The following LRBA variants were observed in gnomAD, a reference collection of about 807,000 sequenced individuals.
LRBA encodes lipopolysaccharide-responsive and beige-like anchor protein.
A neutral mutation model predicts 330.0 loss-of-function variants in LRBA; 176 were observed. The ratio of observed to expected loss-of-function variants is 0.53; its 90% CI spans 0.47 to 0.60. The LOEUF (loss-of-function observed/expected upper bound fraction) is 0.60, where lower values mean the gene tolerates loss of function less well. LRBA is among the 20% of genes least tolerant of loss of function. LRBA has a pLI of 0.00. For missense variants in LRBA, 3,259 were observed against 3,444.8 expected, an observed-to-expected ratio of 0.95 and a Z score of 1.35; for synonymous variants, 1,230 against 1,193.0, an observed-to-expected ratio of 1.03 and a Z score of -0.64.
intron 32 of LRBA, among the ~76,000 whole-genome samples, chr4:150,807,342 C>T (rs1054363216): frequency 6.6e-6 from 1 of 152,104 alleles, no homozygotes; most frequent in Non-Finnish European, 1.5e-5. Context: ...ATACTATTTT[C>T]TTCCACACAA....
intron 2 of LRBA, 116 bp from the exon 3 acceptor site, chr4:150,929,181 G>A (rs896939761): frequency 6.4e-6 from 4 of 621,446 alleles, no homozygotes; most frequent in African/African-American, 1.8e-5. Flanking sequence ...CACATCAAAA[G>A]GTTCATTAAA....
intron 43 of LRBA, among the ~76,000 whole-genome samples, chr4:150,470,838 A>G (rs1209303405): frequency 8.1e-6 from 1 of 123,850 alleles, no homozygotes; most frequent in African/African-American, 3.4e-5. Context: ...AGCCCTCATT[A>G]CTACACACAC....
chr4:150,274,660 T>C (rs186977232), intron 56 of LRBA, among the ~76,000 whole-genome samples: 533 of 152,252 alleles, frequency 3.5e-3, no homozygotes, highest in African/African-American at 0.012. Context: ...GAGAATACTA[T>C]AAACACCTCT....
At chr4:150,446,803 C>A (rs151182959) in intron 44 of LRBA, among the ~76,000 whole-genome samples, 1 of 152,178 alleles carries the variant, frequency 6.6e-6, no homozygotes, top group Non-Finnish European at 1.5e-5. Flanking sequence ...CAACTGCTAT[C>A]TAAAATTTAC....
At chr4:150,820,050 C>T (rs573988174) in intron 30 of LRBA, among the ~76,000 whole-genome samples, 1 of 152,104 alleles carries the variant, frequency 6.6e-6, no homozygotes, top group East Asian at 1.9e-4. Context: ...CTTAATCCTG[C>T]TTGCTTGTTA....
At chr4:150,968,698 C>T (rs1452650162) in intron 2 of LRBA, among the ~76,000 whole-genome samples, 1 of 152,148 alleles carries the variant, frequency 6.6e-6, no homozygotes, top group African/African-American at 2.4e-5. Context: ...GGAGAAGGTA[C>T]AGCAAATTAT....
At chr4:150,596,044 A>T (rs1773450966) in intron 38 of LRBA, among the ~76,000 whole-genome samples, 1 of 151,998 alleles carries the variant, frequency 6.6e-6, no homozygotes, top group Non-Finnish European at 1.5e-5. Context: ...TTTAATTTTA[A>T]AATATGACTC....
intron 35 of LRBA, among the ~76,000 whole-genome samples, chr4:150,738,093 C>T (rs778399907): frequency 2.0e-5 from 3 of 150,012 alleles, no homozygotes; most frequent in East Asian, 3.9e-4. Context: ...TGGGTTCAAG[C>T]GATTCTCCTG....
chr4:150,889,526 C>G (rs533073090), intron 17 of LRBA, among the ~76,000 whole-genome samples: 6 of 152,314 alleles, frequency 3.9e-5, no homozygotes, highest in African/African-American at 1.4e-4. Flanking sequence ...ACTGCCTGAG[C>G]TCTGCCTCCT....
In LRBA at chr4:151,014,621, C is replaced by A; in HGVS notation, c.22G>T (p.Val8Phe). MASEDNR[V>F]PSPPPTGDDG... ...TCACCTGTTGGTGGCGGGGAAGGGA[C>A]ACGATTGTCTTCGCTAGCCATTGCT... The change falls in exon 2 of 57, where the codon GTC becomes TTC. Residue 8 changes from valine (V) to phenylalanine (F), a missense_variant. Coordinates refer to ENST00000651943, the MANE Select transcript of LRBA (RefSeq NM_001364905.1). The A allele has an allele frequency of 6.2e-7, 1 of 1,605,182 alleles. No homozygotes were observed. Among genetic ancestry groups the A allele is most frequent in the Non-Finnish European group, 8.5e-7 (1 of 1,175,396 alleles).
At chr4:150,975,633 G>C (rs1411393128) in intron 2 of LRBA, among the ~76,000 whole-genome samples, 1 of 151,622 alleles carries the variant, frequency 6.6e-6, no homozygotes, top group Non-Finnish European at 1.5e-5. Flanking sequence ...AGAAAACTGA[G>C]AAGTAAAAAA....
chr4:150,931,643 A>G (rs1448851928), intron 2 of LRBA, among the ~76,000 whole-genome samples: 1 of 151,478 alleles, frequency 6.6e-6, no homozygotes, highest in East Asian at 1.9e-4. Flanking sequence ...TGGTGGGTAC[A>G]TGCAGCCCTA....
At chr4:150,296,000 C>A (rs563310147) in intron 53 of LRBA, among the ~76,000 whole-genome samples, 2 of 152,030 alleles carry the variant, frequency 1.3e-5, no homozygotes, top group Admixed American at 6.6e-5. Flanking sequence ...TTCTACCCCC[C>A]AAAAAGAAAA....
At chr4:150,647,241 C>T (rs1330391922) in intron 37 of LRBA, among the ~76,000 whole-genome samples, 1 of 149,640 alleles carries the variant, frequency 6.7e-6, no homozygotes, top group Non-Finnish European at 1.5e-5. Context: ...CATTCTATTT[C>T]TGGGACTATA....
chr4:150,831,168 A>T (rs1430935289), intron 29 of LRBA, among the ~76,000 whole-genome samples: 1 of 151,298 alleles, frequency 6.6e-6, no homozygotes, highest in African/African-American at 2.4e-5. Context: ...ACTCCTGGTC[A>T]TTCCTGATAT....
In LRBA at chr4:150,346,757, C is replaced by CAAA. The variant is rs57119340; in HGVS notation, c.7362+3232_7362+3234dup. ...CTGGCAACAATGTGAGACTCTGTCT[C>CAAA]AAAAAAAAAAAAAAAAAAAAAAAAA... On this transcript the variant is annotated intron_variant, in intron 48 of 56. Coordinates refer to ENST00000651943, the MANE Select transcript of LRBA (RefSeq NM_001364905.1). Among the ~76,000 whole-genome samples, 65 of 66,138 alleles carry CAAA rather than the reference C, an allele frequency of 9.8e-4. 1 individual carries two copies. The highest frequency in any genetic ancestry group is 4.7e-3 in the East Asian group (8 of 1,694). The allele number at this position is 66,138 out of a possible 152,430, so 43.4% of individuals were successfully genotyped here. A position where few individuals can be genotyped will look rare whatever the true frequency, so the allele number is the denominator to read the frequency against.
At chr4:150,678,051 C>G (rs1782725937) in intron 37 of LRBA, among the ~76,000 whole-genome samples, 1 of 151,788 alleles carries the variant, frequency 6.6e-6, no homozygotes. Context: ...ACCAGCCTGG[C>G]CAACATGGTG....
intron 36 of LRBA, among the ~76,000 whole-genome samples, chr4:150,707,206 G>A (rs1477456681): frequency 2.0e-5 from 3 of 151,514 alleles, no homozygotes; most frequent in African/African-American, 7.3e-5. Context: ...TTTTCACTGT[G>A]TGCTTTCTTA....
chr4:150,837,092 T>C (rs1748226314), intron 28 of LRBA, among the ~76,000 whole-genome samples: 1 of 152,234 alleles, frequency 6.6e-6, no homozygotes, highest in Admixed American at 6.5e-5. Flanking sequence ...AGTTTCCATG[T>C]AGTTGAGTGG....
Sources: gnomAD v4.1 joint callset for allele counts (sites outside exome capture counted in the v4.1 genomes callset) on GRCh38, gnomAD v4.1.1 for gene constraint, MANE v1.5 for transcripts, NCBI Gene and HGNC (gene_info 2026-07-23, HGNC 2026-07-21) for gene names.